The following CLPTM1L variants were observed in gnomAD, a reference collection of about 807,000 sequenced individuals.
The protein encoded by CLPTM1L is CLPTM1 like.
In CLPTM1L, 38 loss-of-function variants were observed where a neutral mutation model predicts 70.9. The observed-to-expected ratio is 0.54, with a 90% confidence interval of 0.41 to 0.70. The LOEUF is 0.70. Among genes scored for constraint, CLPTM1L ranks in the 30% least tolerant of loss-of-function variants. The pLI is 0.00. For synonymous variants in CLPTM1L, 339 were observed against 299.9 expected (o/e 1.13, Z -1.35); for missense variants, 652 against 705.9 (o/e 0.92, Z 0.87).
chr5:1,338,759 AGAGGGGACTCCACG>A (rs1753744334), intron 4 of CLPTM1L, 87 bp downstream of exon 4: 1 of 1,409,374 alleles, frequency 7.1e-7, no homozygotes, highest in Non-Finnish European at 9.8e-7. Flanking sequence ...GCCTCCCCAC[AGAGGGGACTCCACG>A]GTGCAGGAGT....
intron 2 of CLPTM1L, 121 bp from the exon 3 acceptor site, chr5:1,341,981 A>C: frequency 1.3e-6 from 1 of 756,110 alleles, no homozygotes; most frequent in Non-Finnish European, 2.1e-6. Context: ...ACTAAAAATG[A>C]AACCCACCTG....
chr5:1,322,034 G>C (rs1034830048), intron 13 of CLPTM1L, among the ~76,000 whole-genome samples: 1 of 152,214 alleles, frequency 6.6e-6, no homozygotes, highest in African/African-American at 2.4e-5. Context: ...CAACTTTGGA[G>C]AGCAAAGCTC....
chr5:1,342,008 T>TCG lies in CLPTM1L; in HGVS notation c.264-150_264-149dup, dbSNP rs1364970829. 7 of 564,098 alleles carry TCG rather than the reference T, an allele frequency of 1.2e-5. No homozygotes were observed. Among genetic ancestry groups the TCG allele is most frequent in the South Asian group, 6.3e-5 (3 of 47,384 alleles). The allele number at this position is 564,098 out of a possible 1,614,324, so 34.9% of individuals were successfully genotyped here. On this transcript the variant is annotated intron_variant, in intron 2 of 16. Transcript: ENST00000320895. This position sits in a 1 kb window ranked among gnomAD's most constrained non-coding sequence, Gnocchi z 4.3. ...ACCCACCTGCCCAGGGCTTTACGAG[T>TCG]CGTGTGTGTGTGTGTGTGTGTGTGT...
At position 1,330,318 on chromosome 5, in the gene CLPTM1L, G is replaced by A. The variant is rs1237529186; in HGVS notation, c.1042C>T (p.Leu348=). ...LFLLDEQTSL[L]VLVPAGVGAA... is the part of the protein sequence containing the mutation. ...CCAACACCCGCCGGGACCAGCACCA[G>A]CAGGCTCGTCTGCTCGTCCAGCAGG... Residue 348 remains leucine, a synonymous_variant, in exon 9 of 17, where the codon CTG becomes TTG. Coordinates refer to ENST00000320895, the MANE Select transcript of CLPTM1L (RefSeq NM_030782.5). The A allele has an allele frequency of 1.2e-6, 2 of 1,612,730 alleles. No homozygotes were observed. The highest frequency in any genetic ancestry group is 2.7e-5 in the African/African-American group (2 of 74,926).
chr5:1,342,813 T>A lies in CLPTM1L; in HGVS notation c.264-953A>T, dbSNP rs529101579. Among the ~76,000 whole-genome samples, 19 of 152,246 alleles carry A rather than the reference T, an allele frequency of 1.2e-4. No homozygotes were observed. Among genetic ancestry groups the A allele is most frequent in the Non-Finnish European group, 2.4e-4 (16 of 68,032 alleles). On this transcript the variant is annotated intron_variant, in intron 2 of 16. Transcript: ENST00000320895. The surrounding 1 kb of genome is among the most constrained non-coding windows in gnomAD (Gnocchi z 4.3). ...CACATTGCCTAGGCTGGTCTTGAAC[T>A]GCTGGGCTCAAGTGATCCTCCCGCC...
At position 1,321,911 on chromosome 5, in the gene CLPTM1L, C is replaced by A. The variant is rs1752181184; in HGVS notation, c.1316-92G>T. ...CACTCACGAGGTGTGGAGGGCCGAG[C>A]TGCCACGTCTATGCATAGTGGGCAG... On this transcript the variant is annotated intron_variant, in intron 13 of 16. Transcript: ENST00000320895. The A allele has an allele frequency of 4.3e-6, 5 of 1,166,558 alleles. No homozygotes were observed. The South Asian group carries it at 5.2e-5, about 12-fold the overall frequency. The allele number at this position is 1,166,558 out of a possible 1,614,324, so 72.3% of individuals were successfully genotyped here.
In CLPTM1L at chr5:1,317,834, C is replaced by T. The variant is rs1801075; in HGVS notation, c.*535G>A. The T allele has an allele frequency of 0.84, 127,528 of 152,564 alleles. 53,407 individuals carry two copies. The highest frequency in any genetic ancestry group is 0.95 in the East Asian group (4,943 of 5,206). The allele number at this position is 152,564 out of a possible 1,614,324, so 9.5% of individuals were successfully genotyped here. On this transcript the variant is annotated 3_prime_UTR_variant, in exon 17 of 17. Transcript: ENST00000320895. Reference sequence around the variant, plus strand: ...TGGAAAAGGGTTAAACTCAAATATCCGAAATACTTTCATTATACCAGGTCA... The same window carrying T: ...TGGAAAAGGGTTAAACTCAAATATCTGAAATACTTTCATTATACCAGGTCA...
chr5:1,331,564 C>T, intron 8 of CLPTM1L: 1 of 401,080 alleles, frequency 2.5e-6, no homozygotes, highest in South Asian at 3.5e-5. Flanking sequence ...CAGCCAGGCC[C>T]TGAGCTGTGC....
intron 7 of CLPTM1L, 42 bp from the exon 8 acceptor site, chr5:1,331,925 T>C (rs749998901): frequency 1.3e-6 from 2 of 1,529,434 alleles, no homozygotes; most frequent in East Asian, 2.3e-5. Context: ...TCTCCTGCTG[T>C]TTCCATCTCC....
chr5:1,340,280 A>G (rs1023921851), intron 3 of CLPTM1L, among the ~76,000 whole-genome samples: 2 of 152,182 alleles, frequency 1.3e-5, no homozygotes, highest in African/African-American at 4.8e-5. Flanking sequence ...GGAGACTGAG[A>G]GGGAGTCAGC....
rs373927745 is a variant in CLPTM1L at position 1,342,968 on chromosome 5, A to G, written c.264-1108T>C. Among the ~76,000 whole-genome samples, 176 of 152,320 alleles carry G rather than the reference A, an allele frequency of 1.2e-3. No individual in the cohort carries two copies. Among genetic ancestry groups the G allele is most frequent in the African/African-American group, 4.1e-3 (170 of 41,574 alleles). On this transcript the variant is annotated intron_variant, in intron 2 of 16. Coordinates refer to ENST00000320895, the MANE Select transcript of CLPTM1L (RefSeq NM_030782.5). This position sits in a 1 kb window ranked among gnomAD's most constrained non-coding sequence, Gnocchi z 4.3. Reference sequence around the variant, plus strand: ...AGCACCTTGGGAGGCCGAGCCGGGCAGATCACGAGGTCAGGAGTTTCAGAC... The same window carrying G: ...AGCACCTTGGGAGGCCGAGCCGGGCGGATCACGAGGTCAGGAGTTTCAGAC...
At chr5:1,326,992 G>GAC (rs1752629430) in intron 9 of CLPTM1L, among the ~76,000 whole-genome samples, 1 of 109,610 alleles carries the variant, frequency 9.1e-6, no homozygotes, top group Admixed American at 9.3e-5. Context: ...CCTCCACAGG[G>GAC]ACATTTCATC....
intron 7 of CLPTM1L, among the ~76,000 whole-genome samples, chr5:1,333,699 A>ACCGGCT (rs1753340461): frequency 5.0e-5 from 2 of 40,264 alleles, no homozygotes; most frequent in Non-Finnish European, 9.5e-5. Context: ...ACACACCGCA[A>ACCGGCT]GAGGATAAGG....
rs369285013 is a variant in CLPTM1L, at chr5:1,321,271, G to A, written c.1416+364C>T. Among the ~76,000 whole-genome samples, 80 of 152,380 alleles carry A rather than the reference G, an allele frequency of 5.3e-4. No individual in the cohort carries two copies. In the Middle Eastern group the frequency reaches 0.031, roughly 58 times the overall value. ...AGCTCTGCCAGCGGGGAATGGCCACGGCCCATGGGGGCTTCCATTCCTGCC... is the reference window on the plus strand; with the variant it reads ...AGCTCTGCCAGCGGGGAATGGCCACAGCCCATGGGGGCTTCCATTCCTGCC... On this transcript the variant is annotated intron_variant, in intron 15 of 16. Transcript: ENST00000320895.
rs1752494287 is a variant in CLPTM1L, at chr5:1,325,802, C to T, written c.1095G>A (p.Lys365=). ...VGAAIELWKV[K]KALKMTIFWR... is the part of the protein sequence containing the mutation. ...AAAAAATAGTCATCTTCAATGCCTT[C>T]TTCACTTTCCACAGCTGAGGGGAGA... Residue 365 remains lysine (K), a synonymous_variant, in exon 10 of 17, where the codon AAG becomes AAA. Transcript: ENST00000320895. The T allele has an allele frequency of 3.1e-6, 5 of 1,613,966 alleles. No homozygotes were observed. Among genetic ancestry groups the T allele is most frequent in the Non-Finnish European group, 2.5e-6 (3 of 1,179,860 alleles).
chr5:1,342,009 CGTGTGTGTGTGTGTGTGT>C lies in CLPTM1L; in HGVS notation c.264-167_264-150del, dbSNP rs71598674. 2.1e-6 allele frequency: 1 copy of C among 468,680 alleles called. No homozygotes were observed. Among genetic ancestry groups the C allele is most frequent in the African/African-American group, 2.5e-5 (1 of 39,600 alleles). 29.0% of individuals were successfully genotyped at this position (468,680 alleles called of 1,614,324 possible). A position where few individuals can be genotyped will look rare whatever the true frequency, so the allele number is the denominator to read the frequency against. On this transcript the variant is annotated intron_variant, in intron 2 of 16. Coordinates refer to ENST00000320895, the MANE Select transcript of CLPTM1L (RefSeq NM_030782.5). The surrounding 1 kb of genome is among the most constrained non-coding windows in gnomAD (Gnocchi z 4.3). ...CCCACCTGCCCAGGGCTTTACGAGTCGTGTGTGTGTGTGTGTGTGTGTGTGTGTGTGCACGCGCACGCG... is the reference window on the plus strand; with the variant it reads ...CCCACCTGCCCAGGGCTTTACGAGTCGTGTGTGTGTGTGCACGCGCACGCG...
intron 11 of CLPTM1L, among the ~76,000 whole-genome samples, chr5:1,324,217 G>A (rs1453691344): frequency 6.6e-6 from 1 of 152,260 alleles, no homozygotes; most frequent in Non-Finnish European, 1.5e-5. Context: ...TACATCGCCA[G>A]CTGTATCCAT....
chr5:1,325,552 G>A, intron 10 of CLPTM1L, 199 bp downstream of exon 10: 1 of 603,194 alleles, frequency 1.7e-6, no homozygotes, highest in Non-Finnish European at 3.0e-6. Context: ...AAGACGGTCA[G>A]AACTAGGTAT....
At chr5:1,326,270 G>T in intron 9 of CLPTM1L, 1 of 255,676 alleles carries the variant, frequency 3.9e-6, no homozygotes, top group South Asian at 4.8e-5. Context: ...CCTATGGAGG[G>T]ACCCTGCCTG....
Sources: allele counts gnomAD v4.1 joint callset (sites outside exome capture counted in the v4.1 genomes callset), GRCh38; gene constraint gnomAD v4.1.1; non-coding constraint Gnocchi (gnomAD v3.1); transcripts MANE v1.5; gene names NCBI Gene and HGNC (gene_info 2026-07-23, HGNC 2026-07-21).